SCML4: variants seen among roughly 807,000 people sequenced by gnomAD.
The protein encoded by SCML4 is sex comb on midleg-like protein 4.
In SCML4, 34 loss-of-function variants were observed where a neutral mutation model predicts 41.1. That is an observed-to-expected ratio of 0.83 (90% confidence interval 0.63 to 1.10). SCML4 has a LOEUF of 1.10. Among genes scored for constraint, SCML4 ranks in the 50% least tolerant of loss-of-function variants. SCML4 has a pLI of 0.00. For synonymous variants in SCML4, 214 were observed against 220.9 expected, an observed-to-expected ratio of 0.97 and a Z score of 0.28; for missense variants, 522 against 534.1, an observed-to-expected ratio of 0.98 and a Z score of 0.22.
At position 107,702,802 on chromosome 6, in the gene SCML4, G is replaced by A. The variant is rs560826669; in HGVS notation, c.*2398C>T. On this transcript the variant is annotated 3_prime_UTR_variant, in exon 8 of 8. Transcript: ENST00000369020. The stretch of plus-strand genomic sequence containing the variant: ...GAACCTGTCAGAGGCATTTGAACCA[G>A]AGCAACTCCATCTTGAATGGGAGCT... 1.1e-4 allele frequency among the ~76,000 whole-genome samples: 17 copies of A among 152,362 alleles called. No individual in the cohort carries two copies. The highest frequency in any genetic ancestry group is 6.8e-3 in the Middle Eastern group (2 of 294).
chr6:107,817,114 C>G (rs560645148), intron 1 of SCML4, among the ~76,000 whole-genome samples: 1 of 151,456 alleles, frequency 6.6e-6, no homozygotes, highest in Non-Finnish European at 1.5e-5. Context: ...TTTTTTTTTT[C>G]TTCAGGCATG....
chr6:107,778,222 A>AAAAATATATATATAT (rs1554218145), intron 1 of SCML4, among the ~76,000 whole-genome samples: 1 of 15,546 alleles, frequency 6.4e-5, no homozygotes, highest in African/African-American at 1.5e-4. Context: ...AAAAAAAAAA[A>AAAAATATATATATAT]ATATATATAT....
intron 6 of SCML4, chr6:107,719,886 C>T (rs534098894): frequency 1.3e-4 from 124 of 985,034 alleles, no homozygotes; most frequent in Non-Finnish European, 1.4e-4. Context: ...CCTTTAGGCA[C>T]TATCAAAATA....
intron 1 of SCML4, among the ~76,000 whole-genome samples, chr6:107,788,836 A>G (rs1319056545): frequency 6.6e-6 from 1 of 152,228 alleles, no homozygotes; most frequent in African/African-American, 2.4e-5. Flanking sequence ...TTCAAATACT[A>G]GGAAAGTAAA....
At chr6:107,706,431 G>C (rs1432551129) in intron 7 of SCML4, among the ~76,000 whole-genome samples, 2 of 152,206 alleles carry the variant, frequency 1.3e-5, no homozygotes, top group Non-Finnish European at 2.9e-5. Context: ...TGCTGAGTTA[G>C]ATGAGAATCC....
chr6:107,718,725 G>C (rs1408525466), intron 6 of SCML4: 2 of 152,268 alleles, frequency 1.3e-5, no homozygotes, highest in South Asian at 2.1e-4. Flanking sequence ...CTGCATTTAA[G>C]ACATAGGGCT....
rs566632364 is a variant in SCML4 at position 107,801,458 on chromosome 6, C to A, written c.-60+22668G>T. ...CCTGCCCCCCACCCCAGGTATGGAACCTATAACTCTGCTAATCCTACAATG... is the reference window on the plus strand; with the variant it reads ...CCTGCCCCCCACCCCAGGTATGGAAACTATAACTCTGCTAATCCTACAATG... On this transcript the variant is annotated intron_variant, in intron 1 of 7. Transcript: ENST00000369020. Among the ~76,000 whole-genome samples the A allele has an allele frequency of 4.6e-5, 7 of 152,282 alleles. No individual in the cohort carries two copies. The East Asian group carries it at 5.8e-4, about 13-fold the overall frequency.
chr6:107,708,659 T>A (rs143263382), intron 6 of SCML4, among the ~76,000 whole-genome samples: 2,417 of 152,284 alleles, frequency 0.016, 76 homozygotes, highest in African/African-American at 0.056. Flanking sequence ...CACGGCCCTC[T>A]GGGGCTGTCA....
At chr6:107,728,303 G>T (rs1451637452) in intron 5 of SCML4, among the ~76,000 whole-genome samples, 1 of 152,160 alleles carries the variant, frequency 6.6e-6, no homozygotes, top group Non-Finnish European at 1.5e-5. Context: ...AACATGCACT[G>T]AATGGATTTC....
intron 1 of SCML4, among the ~76,000 whole-genome samples, chr6:107,784,277 A>G (rs1781717684): frequency 6.6e-6 from 1 of 152,314 alleles, no homozygotes; most frequent in African/African-American, 2.4e-5. Flanking sequence ...ATACACCTGC[A>G]GGCAAAACCC....
intron 2 of SCML4, among the ~76,000 whole-genome samples, chr6:107,752,939 G>A (rs1778809737): frequency 6.6e-6 from 1 of 152,152 alleles, no homozygotes; most frequent in Admixed American, 6.5e-5. Flanking sequence ...TTAAAATAGG[G>A]TAGCTCCTGA....
chr6:107,744,528 A>G (rs982987988), intron 5 of SCML4, among the ~76,000 whole-genome samples: 1 of 152,174 alleles, frequency 6.6e-6, no homozygotes, highest in African/African-American at 2.4e-5. Context: ...CAGGACCAAC[A>G]TCATCAGTTC....
chr6:107,839,329 A>G, the SCML4 span, among the ~76,000 whole-genome samples: 1 of 49,056 alleles, frequency 2.0e-5, no homozygotes, highest in Non-Finnish European at 5.4e-5. Flanking sequence ...GAAAGAAAGA[A>G]AGAGAGAGAG....
In SCML4 at chr6:107,763,380, G is replaced by GTT. The variant is rs373094856; in HGVS notation, c.156+8790_156+8791dup. ...GCCCCATGAAGAGATTCATGTTCTT[G>GTT]TTTTTTTTTTTTTTGTATGTTTTTG... On this transcript the variant is annotated intron_variant, in intron 2 of 7. Coordinates refer to ENST00000369020, the MANE Select transcript of SCML4 (RefSeq NM_198081.5). Among the ~76,000 whole-genome samples, 796 of 139,186 alleles carry GTT rather than the reference G, an allele frequency of 5.7e-3. 4 individuals are homozygous for GTT. The highest frequency in any genetic ancestry group is 0.015 in the African/African-American group (578 of 37,896). 91.3% of individuals were successfully genotyped at this position (139,186 alleles called of 152,430 possible).
At chr6:107,784,694 G>A (rs1421979480) in intron 1 of SCML4, among the ~76,000 whole-genome samples, 1 of 152,240 alleles carries the variant, frequency 6.6e-6, no homozygotes, top group African/African-American at 2.4e-5. Flanking sequence ...CTAAATGAGT[G>A]AGTGGCTCTG....
At chr6:107,765,516 A>T (rs1247476337) in intron 2 of SCML4, among the ~76,000 whole-genome samples, 7 of 152,216 alleles carry the variant, frequency 4.6e-5, no homozygotes, top group South Asian at 2.1e-4. Flanking sequence ...AAAAAATTTT[A>T]AAAATAAAAA....
intron 2 of SCML4, among the ~76,000 whole-genome samples, chr6:107,750,873 T>C (rs1422303961): frequency 6.6e-6 from 1 of 152,246 alleles, no homozygotes; most frequent in Non-Finnish European, 1.5e-5. Context: ...AGCAAGGTTG[T>C]ATGTCCTATT....
the SCML4 span, among the ~76,000 whole-genome samples, chr6:107,840,739 C>G: frequency 6.6e-6 from 1 of 152,090 alleles, no homozygotes; most frequent in Non-Finnish European, 1.5e-5. Context: ...AAATTAGTCA[C>G]CAAAGTCCCA....
chr6:107,719,909 A>T, intron 6 of SCML4: 1 of 985,446 alleles, frequency 1.0e-6, no homozygotes, highest in Non-Finnish European at 1.2e-6. Context: ...GAAGCTTGAA[A>T]ATGATTTTTT....
Sources: gnomAD v4.1 joint callset for allele counts (sites outside exome capture counted in the v4.1 genomes callset) on GRCh38, gnomAD v4.1.1 for gene constraint, MANE v1.5 for transcripts, NCBI Gene and HGNC (gene_info 2026-07-23, HGNC 2026-07-21) for gene names.